The following ARHGAP25 variants were observed in gnomAD, a reference collection of about 807,000 sequenced individuals.
ARHGAP25 encodes the protein rho GTPase-activating protein 25.
A neutral mutation model predicts 71.0 loss-of-function variants in ARHGAP25; 34 were observed. The ratio of observed to expected loss-of-function variants is 0.48; its 90% CI spans 0.36 to 0.64. The LOEUF (loss-of-function observed/expected upper bound fraction) is 0.64. Ranked by LOEUF, ARHGAP25 falls within the 30% of genes least tolerant of loss-of-function variation. The pLI is 0.00. For missense variants in ARHGAP25, 706 were observed against 805.1 expected (o/e 0.88, Z 1.49); for synonymous variants, 282 against 296.5 (o/e 0.95, Z 0.50).
intron 1 of ARHGAP25, among the ~76,000 whole-genome samples, chr2:68,765,774 A>G (rs1677084889): frequency 6.6e-6 from 1 of 152,246 alleles, no homozygotes; most frequent in Non-Finnish European, 1.5e-5. Flanking sequence ...GAATAGGAGA[A>G]ACATATTATG....
In ARHGAP25 at chr2:68,819,185, A is replaced by C. The variant is rs1681451750; in HGVS notation, c.1066A>C (p.Lys356Gln). 4.4e-6 allele frequency: 7 copies of C among 1,608,682 alleles called. No homozygotes were observed. The East Asian group carries it at 1.3e-4, about 31-fold the overall frequency. Residue 356 changes from lysine to glutamine, a missense_variant, in exon 9 of 11, where the codon AAG (lysine) becomes CAG (glutamine). Transcript: ENST00000409202. ...CAGAGACCATGAAGTCCTCTTCCCC[A>C]AGTCCAAGGATATACCCCTGTCACC... Reference protein sequence around the residue: ...MIRDHEVLFPKSKDIPLSPPA... With the variant: ...MIRDHEVLFPQSKDIPLSPPA...
intron 3 of ARHGAP25, among the ~76,000 whole-genome samples, chr2:68,787,215 C>G (rs11687893): frequency 0.46 from 69,644 of 152,042 alleles, 16,338 homozygotes; most frequent in African/African-American, 0.53. Flanking sequence ...AAACACTACA[C>G]CTATCTATAA....
chr2:68,723,800 G>A (rs1428112107), intron 2 of ARHGAP25, among the ~76,000 whole-genome samples: 1 of 152,088 alleles, frequency 6.6e-6, no homozygotes, highest in East Asian at 1.9e-4. Flanking sequence ...GAAGGAGGAG[G>A]AGAGACCCTA....
At position 68,825,981 on chromosome 2, in the gene ARHGAP25, T is replaced by C. The variant is rs2103751441; in HGVS notation, c.1734-6T>C. ...TTCTTTCATTCTTTTCTTTCCTTCC[T>C]TGTAGCCTTGAGAAGGAAAATTATG... On this transcript the variant is annotated splice_polypyrimidine_tract_variant and splice_region_variant and intron_variant, in intron 10 of 10. Transcript: ENST00000409202. 6.2e-7 allele frequency: 1 copy of C among 1,607,412 alleles called. No homozygotes were observed. Among genetic ancestry groups the C allele is most frequent in the Non-Finnish European group, 8.5e-7 (1 of 1,175,818 alleles).
chr2:68,813,546 TCAG>T, intron 6 of ARHGAP25, 127 bp downstream of exon 6: 1 of 1,062,804 alleles, frequency 9.4e-7, no homozygotes, highest in South Asian at 1.7e-5. Flanking sequence ...TGCAACTTCC[TCAG>T]CAACAAAAGG....
intron 1 of ARHGAP25, among the ~76,000 whole-genome samples, chr2:68,743,352 G>A (rs1675624465): frequency 6.6e-6 from 1 of 151,432 alleles, no homozygotes; most frequent in African/African-American, 2.4e-5. Flanking sequence ...CAATGGCAGA[G>A]CAGTTTTTCC....
chr2:68,746,706 C>T (rs541056624), intron 1 of ARHGAP25, among the ~76,000 whole-genome samples: 1 of 149,898 alleles, frequency 6.7e-6, no homozygotes, highest in Non-Finnish European at 1.5e-5. Context: ...AGGGACCACC[C>T]CCCTCCCCAT....
rs1681253913 is a variant in ARHGAP25, at chr2:68,816,620, A to G, written c.881+258A>G. On this transcript the variant is annotated intron_variant, in intron 7 of 10. Coordinates refer to ENST00000409202, the MANE Select transcript of ARHGAP25 (RefSeq NM_001007231.3). ...CCCAGAGTCCTGGTACATGCAAGAG[A>G]ACCCAGAATCCTTATAATGTTTCTA... is the stretch of plus-strand genomic sequence containing the variant. The G allele has an allele frequency of 9.3e-6, 4 of 430,198 alleles. No homozygotes were observed. The Admixed American group carries it at 1.2e-4, about 12-fold the overall frequency. The allele number at this position is 430,198 out of a possible 1,614,324, so 26.6% of individuals were successfully genotyped here. A position where few individuals can be genotyped will look rare whatever the true frequency, so the allele number is the denominator to read the frequency against.
intron 4 of ARHGAP25, among the ~76,000 whole-genome samples, chr2:68,796,794 T>C (rs1679579791): frequency 6.6e-6 from 1 of 152,116 alleles, no homozygotes; most frequent in East Asian, 1.9e-4. Flanking sequence ...GGGGGCTTTT[T>C]TGGATGCTGA....
In ARHGAP25 at chr2:68,822,310, A is replaced by C. The variant is rs1428632461; in HGVS notation, c.1201-30A>C. Reference sequence around the variant, plus strand: ...CATGACACACAGAGGTGAAAACCCCATGTGACATCCATGGCCATTTCTTTT... The same window carrying C: ...CATGACACACAGAGGTGAAAACCCCCTGTGACATCCATGGCCATTTCTTTT... On this transcript the variant is annotated intron_variant, in intron 9 of 10. Coordinates refer to ENST00000409202, the MANE Select transcript of ARHGAP25 (RefSeq NM_001007231.3). 12 of 1,576,150 alleles carry C rather than the reference A, an allele frequency of 7.6e-6. No individual in the cohort carries two copies. In the South Asian group the frequency reaches 1.4e-4, roughly 18 times the overall value.
chr2:68,733,780 T>A (rs779977774), upstream of ARHGAP25, among the ~76,000 whole-genome samples: 7 of 152,188 alleles, frequency 4.6e-5, no homozygotes, highest in African/African-American at 7.2e-5. Context: ...GACAGAGTCA[T>A]CTAGGAGAGT....
intron 1 of ARHGAP25, among the ~76,000 whole-genome samples, chr2:68,756,344 G>T (rs1676482709): frequency 6.6e-6 from 1 of 152,218 alleles, no homozygotes; most frequent in Admixed American, 6.5e-5. Flanking sequence ...GAACACAAAG[G>T]TACAGACAAA....
intron 8 of ARHGAP25, 33 bp from the exon 9 acceptor site, chr2:68,819,090 C>A: frequency 1.3e-6 from 2 of 1,516,672 alleles, no homozygotes; most frequent in Non-Finnish European, 1.8e-6. Context: ...GCCTCCTACA[C>A]TACACAACAG....
chr2:68,775,068 C>CT (rs1677777355), intron 1 of ARHGAP25, 153 bp from the exon 2 acceptor site: 9 of 1,532,302 alleles, frequency 5.9e-6, no homozygotes, highest in Admixed American at 1.9e-5. Flanking sequence ...TCGGGGGGGA[C>CT]TTTCTCTGGC....
At chr2:68,738,538 C>A (rs1385680925) in intron 1 of ARHGAP25, among the ~76,000 whole-genome samples, 3 of 152,140 alleles carry the variant, frequency 2.0e-5, no homozygotes, top group Non-Finnish European at 4.4e-5. Flanking sequence ...GGGTTATGGA[C>A]TGAATGTGGT....
At chr2:68,718,516 A>G (rs1674672985) in intron 2 of ARHGAP25, among the ~76,000 whole-genome samples, 1 of 121,982 alleles carries the variant, frequency 8.2e-6, no homozygotes, top group South Asian at 2.9e-4. Context: ...TTGTGAAATA[A>G]TAAGAAATAT....
intron 1 of ARHGAP25, among the ~76,000 whole-genome samples, chr2:68,770,799 T>C (rs1677438508): frequency 6.6e-6 from 1 of 152,190 alleles, no homozygotes; most frequent in Non-Finnish European, 1.5e-5. Context: ...ACCTCTCTAA[T>C]CAAGTTGAAT....
chr2:68,798,950 G>C (rs561243255), intron 4 of ARHGAP25, among the ~76,000 whole-genome samples: 1 of 152,310 alleles, frequency 6.6e-6, no homozygotes, highest in East Asian at 1.9e-4. Flanking sequence ...AAAAAAATCA[G>C]ATTCTATTTA....
chr2:68,782,116 T>C (rs1678382237), intron 2 of ARHGAP25, 117 bp from the exon 3 acceptor site: 1 of 889,942 alleles, frequency 1.1e-6, no homozygotes, highest in Non-Finnish European at 1.7e-6. Context: ...TAGCTTCCCA[T>C]GTCCCTATCC....
Sources: allele counts gnomAD v4.1 joint callset (sites outside exome capture counted in the v4.1 genomes callset), GRCh38; gene constraint gnomAD v4.1.1; transcripts MANE v1.5; gene names NCBI Gene and HGNC (gene_info 2026-07-23, HGNC 2026-07-21).